BUB1: variants seen among roughly 807,000 people sequenced by gnomAD.
The protein encoded by BUB1 is mitotic checkpoint serine/threonine-protein kinase BUB1.
In BUB1, 84 loss-of-function variants were observed where a neutral mutation model predicts 135.2. The observed-to-expected ratio is 0.62, with a 90% CI of 0.52 to 0.74. The LOEUF (loss-of-function observed/expected upper bound fraction) is 0.74. Among genes scored for constraint, BUB1 ranks in the 30% least tolerant of loss-of-function variants. The pLI is 0.00. For missense variants in BUB1, 1,162 were observed against 1,288.3 expected (o/e 0.90, Z 1.50); for synonymous variants, 403 against 434.4 (o/e 0.93, Z 0.90).
Position 110,641,190 on chromosome 2 carries a change from A to G in BUB1, c.2799T>C (p.Asp933=). 6.2e-7 allele frequency: 1 copy of G among 1,600,488 alleles called. No individual in the cohort carries two copies. Among genetic ancestry groups the G allele is most frequent in the South Asian group, 1.1e-5 (1 of 88,292 alleles). ...FILGNGFLEQ[D]DEDDLSAGLA... ...AGCCAGCAGATAAATCATCTTCATC[A>G]TCCTGTTCCAAAAATCTATATTAAA... The change falls in exon 23 of 25, where the codon GAT becomes GAC. Residue 933 remains aspartate, a synonymous_variant. Coordinates refer to ENST00000302759, the MANE Select transcript of BUB1 (RefSeq NM_004336.5).
intron 16 of BUB1, 44 bp from the exon 17 acceptor site, chr2:110,653,567 T>C: frequency 3.4e-6 from 5 of 1,485,360 alleles, no homozygotes; most frequent in Non-Finnish European, 3.8e-6. Flanking sequence ...TAGATGCACA[T>C]GTGTGCACAA....
At position 110,650,578 on chromosome 2, in the gene BUB1, T is replaced by A; in HGVS notation, c.2171A>T (p.Gln724Leu). 1 of 1,613,884 alleles carries A rather than the reference T, an allele frequency of 6.2e-7. No homozygotes were observed. The highest frequency in any genetic ancestry group is 8.5e-7 in the Non-Finnish European group (1 of 1,179,932). Residue 724 changes from glutamine to leucine, a missense_variant, in exon 18 of 25, where the codon CAG becomes CTG. By Grantham distance (113) the Gln-to-Leu change is moderately radical. Coordinates refer to ENST00000302759, the MANE Select transcript of BUB1 (RefSeq NM_004336.5). ...AIAGLQAEWM[Q>L]MSSLGTVDAP... The stretch of plus-strand genomic sequence containing the variant: ...ATCAACAGTCCCAAGTGAACTCATC[T>A]GCATCCATTCTGCTTGGAGCCCAGC...
chr2:110,655,948 G>C, intron 15 of BUB1, 32 bp from the exon 16 acceptor site: 1 of 1,595,336 alleles, frequency 6.3e-7, no homozygotes, highest in South Asian at 1.1e-5. Context: ...AAAAAAAGCA[G>C]CAATCTCCCT....
intron 16 of BUB1, 133 bp from the exon 17 acceptor site, chr2:110,653,656 C>A: frequency 1.4e-6 from 1 of 728,138 alleles, no homozygotes; most frequent in Non-Finnish European, 2.2e-6. Flanking sequence ...AATAGTGTTC[C>A]ATTGTAAAAT....
At chr2:110,658,329 C>G in intron 13 of BUB1, 81 bp downstream of exon 13, 1 of 1,148,598 alleles carries the variant, frequency 8.7e-7, no homozygotes, top group South Asian at 1.6e-5. Context: ...AGGGCAGGGT[C>G]ACCTCTTAAA....
intron 18 of BUB1, among the ~76,000 whole-genome samples, chr2:110,650,218 G>A (rs1395866033): frequency 6.6e-6 from 1 of 150,906 alleles, no homozygotes; most frequent in Non-Finnish European, 1.5e-5. Context: ...GGGGGGGGGT[G>A]TCTCTTTAAC....
At chr2:110,673,544 T>C (rs1690481657) in intron 3 of BUB1, among the ~76,000 whole-genome samples, 1 of 151,712 alleles carries the variant, frequency 6.6e-6, no homozygotes. Flanking sequence ...AACTACAGAG[T>C]TGATTGACTG....
At chr2:110,653,340 T>C in intron 17 of BUB1, 96 bp downstream of exon 17, 1 of 1,265,914 alleles carries the variant, frequency 7.9e-7, no homozygotes, top group Non-Finnish European at 1.1e-6. Context: ...TTAGGTATTC[T>C]ATTACAGCCT....
In BUB1 at chr2:110,648,444, T is replaced by C. The variant is rs1423764797; in HGVS notation, c.2347+790A>G. Among the ~76,000 whole-genome samples, 1 of 151,992 alleles carries C rather than the reference T, an allele frequency of 6.6e-6. No homozygotes were observed. The highest frequency in any genetic ancestry group is 2.4e-5 in the African/African-American group (1 of 41,364). ...ACAGGGGATTTTTAGGGTGAGGAAA[T>C]GATTCTGTATGATACTGTAATGATG... is the stretch of plus-strand genomic sequence containing the variant. On this transcript the variant is annotated intron_variant, in intron 19 of 24. Coordinates refer to ENST00000302759, the MANE Select transcript of BUB1 (RefSeq NM_004336.5). This position sits in a 1 kb window ranked among gnomAD's most constrained non-coding sequence, Gnocchi z 4.2.
At chr2:110,643,864 T>G (rs760000694) in intron 19 of BUB1, among the ~76,000 whole-genome samples, 3 of 151,450 alleles carry the variant, frequency 2.0e-5, no homozygotes, top group Non-Finnish European at 2.9e-5. Context: ...ATGAAAAAGG[T>G]AGACAGTGTG....
rs529733765 is a variant in BUB1, at chr2:110,640,703, A to G, written c.2955+331T>C. On this transcript the variant is annotated intron_variant, in intron 23 of 24. Transcript: ENST00000302759. ...CTGATTTAGGAAATTGGGCTGGCCT[A>G]CCTTGATCTCAATAAACCAAGCTGT... Among the ~76,000 whole-genome samples the G allele has an allele frequency of 6.6e-5, 10 of 152,256 alleles. No individual in the cohort carries two copies. The East Asian group carries it at 1.9e-3, about 29-fold the overall frequency.
chr2:110,641,773 A>T lies in BUB1; in HGVS notation c.2494T>A (p.Tyr832Asn), dbSNP rs1486239906. Residue 832 changes from tyrosine to asparagine, a missense_variant, in exon 21 of 25, where the codon TAC becomes AAC. Transcript: ENST00000302759. ...VQKPANPWEFYIGTQLMERLK... is the reference protein window; with the variant it reads ...VQKPANPWEFNIGTQLMERLK... ...CTTTCCATCAACTGGGTCCCAATGT[A>T]GAATTCCCAGGGGTTGGCAGGCTTT... The T allele has an allele frequency of 4.4e-6, 7 of 1,608,012 alleles. No individual in the cohort carries two copies. The South Asian group carries it at 7.7e-5, about 18-fold the overall frequency.
chr2:110,657,225 C>A, intron 14 of BUB1, 108 bp from the exon 15 acceptor site: 1 of 847,274 alleles, frequency 1.2e-6, no homozygotes, highest in Non-Finnish European at 1.8e-6. Flanking sequence ...ATGAGTTAAT[C>A]TTTATATAGA....
chr2:110,667,151 C>T (rs2104551592), intron 8 of BUB1, among the ~76,000 whole-genome samples: 1 of 152,276 alleles, frequency 6.6e-6, no homozygotes, highest in Non-Finnish European at 1.5e-5. Context: ...ACAGATAATA[C>T]TGAAAAATTT....
chr2:110,647,181 T>C (rs1377965235), intron 19 of BUB1, among the ~76,000 whole-genome samples: 1 of 152,028 alleles, frequency 6.6e-6, no homozygotes, highest in Non-Finnish European at 1.5e-5. Flanking sequence ...TCCTATCTCA[T>C]CCTAAGGGGC....
intron 9 of BUB1, among the ~76,000 whole-genome samples, chr2:110,663,416 T>C (rs1027384659): frequency 2.0e-5 from 3 of 152,200 alleles, no homozygotes; most frequent in Non-Finnish European, 4.4e-5. Flanking sequence ...ATATTTTAAA[T>C]CAATGGGGAA....
At chr2:110,647,891 C>T (rs1296258084) in intron 19 of BUB1, among the ~76,000 whole-genome samples, 3 of 152,198 alleles carry the variant, frequency 2.0e-5, no homozygotes, top group Admixed American at 6.5e-5. Flanking sequence ...ACCCAAAACG[C>T]TGACAACCAC....
chr2:110,662,117 C>A, intron 9 of BUB1: 1 of 366,072 alleles, frequency 2.7e-6, no homozygotes, highest in Non-Finnish European at 4.9e-6. Context: ...ATAGTTGTAT[C>A]AGCATTTAAG....
In BUB1 at chr2:110,638,877, C is replaced by T. The variant is rs1187246999; in HGVS notation, c.3063-718G>A. Reference sequence around the variant, plus strand: ...GCTTTCCTCCAGGGCCTGAACCTAACCTTACTTATGTACAGTATATGACAT... The same window carrying T: ...GCTTTCCTCCAGGGCCTGAACCTAATCTTACTTATGTACAGTATATGACAT... On this transcript the variant is annotated intron_variant, in intron 24 of 24. Transcript: ENST00000302759. 2.0e-5 allele frequency among the ~76,000 whole-genome samples: 3 copies of T among 152,134 alleles called. No individual in the cohort carries two copies. In the East Asian group the frequency reaches 5.8e-4, roughly 29 times the overall value.
Sources: allele counts gnomAD v4.1 joint callset (sites outside exome capture counted in the v4.1 genomes callset), GRCh38; gene constraint gnomAD v4.1.1; non-coding constraint Gnocchi (gnomAD v3.1); transcripts MANE v1.5; gene names NCBI Gene and HGNC (gene_info 2026-07-23, HGNC 2026-07-21).